PIGB: variants seen among roughly 807,000 people sequenced by gnomAD.
The protein encoded by PIGB is GPI alpha-1,2-mannosyltransferase 3.
A neutral mutation model predicts 68.4 loss-of-function variants in PIGB; 58 were observed. The observed-to-expected ratio is 0.85, with a 90% CI of 0.69 to 1.06. PIGB has a LOEUF of 1.06. Among genes scored for constraint, PIGB ranks in the 50% least tolerant of loss-of-function variants. PIGB has a pLI of 0.00. For synonymous variants in PIGB, 219 were observed against 220.5 expected (o/e 0.99, Z 0.06); for missense variants, 634 against 655.8 (o/e 0.97, Z 0.36).
chr15:55,339,346 C>G (rs1170749972), intron 7 of PIGB, 28 bp downstream of exon 7: 1 of 1,397,200 alleles, frequency 7.2e-7, no homozygotes, highest in Non-Finnish European at 9.9e-7. Flanking sequence ...AAGCTAACAG[C>G]TATTTTTATT....
chr15:55,347,468 G>C (rs1751739025), intron 9 of PIGB, among the ~76,000 whole-genome samples: 1 of 152,126 alleles, frequency 6.6e-6, no homozygotes, highest in Admixed American at 6.5e-5. Flanking sequence ...TTTTAAATAA[G>C]GTTTTATCCC....
At chr15:55,353,998 T>TAAAAATAAAAAA (rs112479438) in intron 10 of PIGB, among the ~76,000 whole-genome samples, 1 of 112,034 alleles carries the variant, frequency 8.9e-6, no homozygotes, top group African/African-American at 4.2e-5. Context: ...TCATCTTAAA[T>TAAAAATAAAAAA]AAAAAAAAAA....
chr15:55,339,386 C>A, intron 7 of PIGB, 68 bp downstream of exon 7: 1 of 1,016,286 alleles, frequency 9.8e-7, no homozygotes, highest in Non-Finnish European at 1.5e-6. Flanking sequence ...AGAACAGAGG[C>A]AAATGATTTT....
At chr15:55,319,526 T>TGAAATGCTGG in intron 1 of PIGB, 113 bp downstream of exon 1, 2 of 738,538 alleles carry the variant, frequency 2.7e-6, no homozygotes, top group East Asian at 6.0e-5. Context: ...TCTTGAGTTT[T>TGAAATGCTGG]GAAATGCTGG....
intron 9 of PIGB, among the ~76,000 whole-genome samples, chr15:55,342,845 G>A (rs1251140058): frequency 6.6e-6 from 1 of 152,012 alleles, no homozygotes; most frequent in Non-Finnish European, 1.5e-5. Context: ...TGGTTGGTTT[G>A]GAAAAATTAC....
rs534777571 is a variant in PIGB at position 55,330,388 on chromosome 15, G to T, written c.653+534G>T. Among the ~76,000 whole-genome samples the T allele has an allele frequency of 2.0e-5, 3 of 152,312 alleles. No individual in the cohort carries two copies. In the East Asian group the frequency reaches 5.8e-4, roughly 29 times the overall value. The stretch of plus-strand genomic sequence containing the variant: ...TTTCCTGCGTGCAGACTGGATAAAG[G>T]CTGGAGGAGAAGAGTTTTGGAAGGG... On this transcript the variant is annotated intron_variant, in intron 5 of 11. Coordinates refer to ENST00000164305, the MANE Select transcript of PIGB (RefSeq NM_004855.5).
intron 1 of PIGB, 101 bp from the exon 2 acceptor site, chr15:55,320,174 T>C (rs2055129872): frequency 9.2e-7 from 1 of 1,084,540 alleles, no homozygotes; most frequent in African/African-American, 1.6e-5. Context: ...AGGTCACTAC[T>C]GTGCCTTACA....
At chr15:55,341,690 T>A (rs765766332) in intron 8 of PIGB, 48 bp from the exon 9 acceptor site, 39 of 720,342 alleles carry the variant, frequency 5.4e-5, no homozygotes, top group Non-Finnish European at 7.8e-5. Flanking sequence ...CAATCTATCA[T>A]ATAACATGAT....
At chr15:55,332,362 C>T (rs911538547) in intron 5 of PIGB, among the ~76,000 whole-genome samples, 1 of 151,598 alleles carries the variant, frequency 6.6e-6, no homozygotes, top group African/African-American at 2.4e-5. Flanking sequence ...TTACAGAATT[C>T]ATTCTTTTTT....
chr15:55,329,812 C>G lies in PIGB; in HGVS notation c.611C>G (p.Ala204Gly), dbSNP rs1313440431. 1 of 1,601,200 alleles carries G rather than the reference C, an allele frequency of 6.2e-7. No individual in the cohort carries two copies. The highest frequency in any genetic ancestry group is 1.1e-5 in the South Asian group (1 of 90,784). Reference sequence around the variant, plus strand: ...ATGGAAACTGTTCTCACTATAATTGCTCTTTTCTACTATCCTTTGGAAGGT... The same window carrying G: ...ATGGAAACTGTTCTCACTATAATTGGTCTTTTCTACTATCCTTTGGAAGGT... ...NTMETVLTII[A>G]LFYYPLEGSK... The change falls in exon 5 of 12, where the codon GCT becomes GGT. Residue 204 changes from alanine (A) to glycine (G), a missense_variant. Physicochemically the swap from Ala to Gly is moderately conservative, Grantham distance 60. Coordinates refer to ENST00000164305, the MANE Select transcript of PIGB (RefSeq NM_004855.5).
chr15:55,354,121 G>A (rs1016054017), intron 10 of PIGB, among the ~76,000 whole-genome samples: 2 of 151,366 alleles, frequency 1.3e-5, no homozygotes, highest in African/African-American at 4.8e-5. Flanking sequence ...GGACCAGCCT[G>A]GCCAACATGG....
chr15:55,339,482 A>G (rs1372377529), intron 7 of PIGB, among the ~76,000 whole-genome samples, 164 bp downstream of exon 7: 1 of 152,254 alleles, frequency 6.6e-6, no homozygotes, highest in African/African-American at 2.4e-5. Flanking sequence ...TCTACATAAA[A>G]GAATTAGTAC....
At chr15:55,336,690 T>C (rs538427789) in intron 6 of PIGB, among the ~76,000 whole-genome samples, 1 of 152,350 alleles carries the variant, frequency 6.6e-6, no homozygotes, top group Admixed American at 6.5e-5. Context: ...TACCCAGTGA[T>C]TTAAAGTGTT....
rs756195113 is a variant in PIGB, at chr15:55,319,267, G to GC, written c.18dup (p.Lys7GlnfsTer80). 1.2e-6 allele frequency: 2 copies of GC among 1,607,216 alleles called. No individual in the cohort carries two copies. Among genetic ancestry groups the GC allele is most frequent in the East Asian group, 4.5e-5 (2 of 44,772 alleles). The stretch of plus-strand genomic sequence containing the variant: ...CGGCCAGGGATGAGGAGGCCCCTAA[G>GC]CAAGTGCGGAATGGAGCCGGGGGGC... On this transcript the variant is annotated frameshift_variant, in exon 1 of 12. Coordinates refer to ENST00000164305, the MANE Select transcript of PIGB (RefSeq NM_004855.5). LOFTEE classifies it high-confidence loss of function.
At chr15:55,327,158 A>G (rs1474765309) in intron 3 of PIGB, among the ~76,000 whole-genome samples, 1 of 148,792 alleles carries the variant, frequency 6.7e-6, no homozygotes, top group East Asian at 1.9e-4. Context: ...GTGTGTGTAT[A>G]TATGTCATAT....
chr15:55,327,093 C>T (rs115124656), intron 3 of PIGB, among the ~76,000 whole-genome samples: 2,199 of 151,070 alleles, frequency 0.015, 61 homozygotes, highest in African/African-American at 0.051. Flanking sequence ...AGAGTGAGAC[C>T]CTGTCAATCA....
At chr15:55,350,641 C>A in intron 9 of PIGB, 58 bp from the exon 10 acceptor site, 3 of 1,013,544 alleles carry the variant, frequency 3.0e-6, no homozygotes, top group South Asian at 2.8e-5. Flanking sequence ...GATGTATTTG[C>A]AGTTAACATA....
chr15:55,333,782 A>G (rs1198587382), intron 5 of PIGB, 85 bp from the exon 6 acceptor site: 1 of 1,009,834 alleles, frequency 9.9e-7, no homozygotes. Flanking sequence ...TTTATACCAA[A>G]AGGAAAATGT....
intron 7 of PIGB, chr15:55,340,048 T>TAA (rs1595790275): frequency 2.0e-5 from 3 of 152,338 alleles, no homozygotes; most frequent in African/African-American, 4.8e-5. Flanking sequence ...TGCCAAAATA[T>TAA]AAGTTTGATT....
Sources: allele counts gnomAD v4.1 joint callset (sites outside exome capture counted in the v4.1 genomes callset), GRCh38; gene constraint gnomAD v4.1.1; transcripts MANE v1.5; gene names NCBI Gene and HGNC (gene_info 2026-07-23, HGNC 2026-07-21).